The following MARCHF1 variants were observed in gnomAD, a reference collection of about 807,000 sequenced individuals.
MARCHF1 encodes the protein membrane associated ring-CH-type finger 1.
In MARCHF1, 40 loss-of-function variants were observed where a neutral mutation model predicts 54.2. The ratio of observed to expected loss-of-function variants is 0.74; its 90% CI spans 0.57 to 0.96. The LOEUF is 0.96. MARCHF1 is among the 40% of genes least tolerant of loss of function. The probability of loss-of-function intolerance (pLI) is 0.00; values close to 1 mark genes in which losing one functional copy is unlikely to be tolerated. For missense variants in MARCHF1, 586 were observed against 656.5 expected (o/e 0.89, Z 1.17); for synonymous variants, 236 against 236.3 (o/e 1.00, Z 0.01).
intron 3 of MARCHF1, among the ~76,000 whole-genome samples, chr4:163,905,865 T>C (rs1057373123): frequency 6.6e-6 from 1 of 152,062 alleles, no homozygotes. Flanking sequence ...GACAATGTAT[T>C]CCAGTCATAC....
intron 8 of MARCHF1, among the ~76,000 whole-genome samples, chr4:163,565,075 T>C (rs1467105261): frequency 1.3e-5 from 2 of 152,136 alleles, no homozygotes; most frequent in Admixed American, 1.3e-4. Flanking sequence ...CCTCAAACCA[T>C]GAGAAAGCTG....
intron 4 of MARCHF1, among the ~76,000 whole-genome samples, chr4:163,841,642 AG>A (rs1749342828): frequency 2.0e-5 from 3 of 152,234 alleles, no homozygotes; most frequent in African/African-American, 7.2e-5. Context: ...GGATAGTTCT[AG>A]TTTGTCTAAT....
At position 164,141,130 on chromosome 4, in the gene MARCHF1, C is replaced by A. The variant is rs576898186; in HGVS notation, c.-322-29468G>T. 4.3e-4 allele frequency among the ~76,000 whole-genome samples: 66 copies of A among 152,336 alleles called. 1 individual carries two copies. Among genetic ancestry groups the A allele is most frequent in the African/African-American group, 1.5e-3 (63 of 41,572 alleles). On this transcript the variant is annotated intron_variant, in intron 1 of 9. Coordinates refer to ENST00000514618, the MANE Select transcript of MARCHF1 (RefSeq NM_001394959.1). Reference sequence around the variant, plus strand: ...AGTGGAAAGAGAAAACTGGGGAGAACTAATCAGCAGCACTTCTCCTGGTTG... The same window carrying A: ...AGTGGAAAGAGAAAACTGGGGAGAAATAATCAGCAGCACTTCTCCTGGTTG...
At chr4:163,711,758 A>G (rs1243122279) in intron 4 of MARCHF1, among the ~76,000 whole-genome samples, 1 of 151,882 alleles carries the variant, frequency 6.6e-6, no homozygotes, top group East Asian at 1.9e-4. Context: ...TGCTGTTTCC[A>G]CCCATGGGGT....
At chr4:164,089,486 T>C (rs1482165419) in intron 2 of MARCHF1, among the ~76,000 whole-genome samples, 2 of 152,166 alleles carry the variant, frequency 1.3e-5, no homozygotes, top group Non-Finnish European at 2.9e-5. Flanking sequence ...GTGTTGTATA[T>C]GTCTATTACC....
intron 1 of MARCHF1, among the ~76,000 whole-genome samples, chr4:164,247,804 C>G (rs1400084837): frequency 6.7e-6 from 1 of 148,290 alleles, no homozygotes; most frequent in Non-Finnish European, 1.5e-5. Context: ...AAATTTCACC[C>G]TAGAACATTC....
At chr4:163,663,022 T>C (rs893431265) in intron 5 of MARCHF1, among the ~76,000 whole-genome samples, 1 of 152,022 alleles carries the variant, frequency 6.6e-6, no homozygotes, top group African/African-American at 2.4e-5. Flanking sequence ...TCCCAGGTCA[T>C]GCAAACAATA....
intron 2 of MARCHF1, among the ~76,000 whole-genome samples, chr4:164,024,178 A>C (rs186988626): frequency 1.3e-5 from 2 of 152,284 alleles, no homozygotes; most frequent in Admixed American, 1.3e-4. Context: ...GGCATAGTCC[A>C]TGAAAATTTT....
At chr4:163,786,338 C>T (rs777820555) in intron 4 of MARCHF1, among the ~76,000 whole-genome samples, 3 of 151,820 alleles carry the variant, frequency 2.0e-5, no homozygotes, top group African/African-American at 4.8e-5. Flanking sequence ...TGGCATCAAT[C>T]GATTTGAGGC....
intron 1 of MARCHF1, among the ~76,000 whole-genome samples, chr4:164,305,776 TAAAGA>T (rs996226452): frequency 1.3e-5 from 2 of 152,058 alleles, no homozygotes; most frequent in Admixed American, 1.3e-4. Flanking sequence ...GATCACAACA[TAAAGA>T]AATGACAAAT....
At position 164,100,622 on chromosome 4, in the gene MARCHF1, T is replaced by C. The variant is rs1430952438; in HGVS notation, c.-248+10966A>G. ...CAGCATAGAGGTGCTTTTTCAGTCA[T>C]GAATAAAAAATGTCTGCCTTTCACA... On this transcript the variant is annotated intron_variant, in intron 2 of 9. Coordinates refer to ENST00000514618, the MANE Select transcript of MARCHF1 (RefSeq NM_001394959.1). Among the ~76,000 whole-genome samples the C allele has an allele frequency of 5.3e-5, 8 of 152,358 alleles. No individual in the cohort carries two copies. In the East Asian group the frequency reaches 7.7e-4, roughly 15 times the overall value.
At position 163,645,052 on chromosome 4, in the gene MARCHF1, A is replaced by G. The variant is rs146487948; in HGVS notation, c.163-31659T>C. Among the ~76,000 whole-genome samples the G allele has an allele frequency of 6.6e-5, 10 of 152,274 alleles. No homozygotes were observed. The East Asian group carries it at 1.9e-3, about 29-fold the overall frequency. On this transcript the variant is annotated intron_variant, in intron 5 of 9. Coordinates refer to ENST00000514618, the MANE Select transcript of MARCHF1 (RefSeq NM_001394959.1). Reference sequence around the variant, plus strand: ...GTACTGCCTGCCCAGGGACCCACCCAGTGACATAGCAGAAGCCCTCCCAGG... The same window carrying G: ...GTACTGCCTGCCCAGGGACCCACCCGGTGACATAGCAGAAGCCCTCCCAGG...
chr4:163,976,290 A>G (rs960718535), intron 3 of MARCHF1, among the ~76,000 whole-genome samples: 2 of 152,146 alleles, frequency 1.3e-5, no homozygotes, highest in African/African-American at 4.8e-5. Context: ...ATTATACTAG[A>G]ACTGTACCCA....
intron 4 of MARCHF1, among the ~76,000 whole-genome samples, chr4:163,736,089 C>T (rs191931833): frequency 7.2e-5 from 11 of 152,052 alleles, no homozygotes; most frequent in Admixed American, 3.9e-4. Context: ...TTATTCTTAC[C>T]GTAAATCTTA....
chr4:164,332,413 G>T (rs775691515), intron 1 of MARCHF1, among the ~76,000 whole-genome samples: 3 of 152,166 alleles, frequency 2.0e-5, no homozygotes, highest in Non-Finnish European at 4.4e-5. Flanking sequence ...CTTAAATTTA[G>T]CTCAGGAAAT....
chr4:164,228,172 T>C (rs559129950), intron 1 of MARCHF1, among the ~76,000 whole-genome samples: 43 of 152,316 alleles, frequency 2.8e-4, no homozygotes, highest in African/African-American at 9.1e-4. Context: ...AAGCACCCCC[T>C]CAGTTTACTA....
At chr4:164,168,502 A>T (rs1475772506) in intron 1 of MARCHF1, among the ~76,000 whole-genome samples, 2 of 152,092 alleles carry the variant, frequency 1.3e-5, no homozygotes, top group African/African-American at 2.4e-5. Flanking sequence ...TTAATGTCAT[A>T]TATCTGTGTG....
chr4:164,351,709 C>T (rs1426256693), intron 1 of MARCHF1, among the ~76,000 whole-genome samples: 6 of 151,838 alleles, frequency 4.0e-5, no homozygotes, highest in East Asian at 3.9e-4. Context: ...AGCGCCTCTC[C>T]GCCTCCAAAG....
chr4:164,351,489 C>A, intron 1 of MARCHF1, among the ~76,000 whole-genome samples: 1 of 151,694 alleles, frequency 6.6e-6, no homozygotes. Flanking sequence ...GAGGCACCCC[C>A]CAGCAGGGGC....
Sources: allele counts gnomAD v4.1 joint callset (sites outside exome capture counted in the v4.1 genomes callset), GRCh38; gene constraint gnomAD v4.1.1; transcripts MANE v1.5; gene names NCBI Gene and HGNC (gene_info 2026-07-23, HGNC 2026-07-21).